The following MICU3 variants were observed in gnomAD, a reference collection of about 807,000 sequenced individuals.
MICU3 encodes calcium uptake protein 3, mitochondrial.
Under a neutral mutation model 66.5 loss-of-function variants are expected in MICU3, and 62 were observed. That is an observed-to-expected ratio of 0.93 (90% CI 0.76 to 1.15). MICU3 has a LOEUF of 1.15. Among genes scored for constraint, MICU3 ranks in the 50% most tolerant of loss-of-function variants. The pLI, the probability that MICU3 is intolerant of heterozygous loss-of-function variation, is 0.00. For missense variants in MICU3, 779 were observed against 664.4 expected (o/e 1.17, Z -1.90); for synonymous variants, 308 against 240.7 (o/e 1.28, Z -2.59).
intron 2 of MICU3, 79 bp downstream of exon 2, chr8:17,064,316 G>A: frequency 2.7e-6 from 3 of 1,130,464 alleles, no homozygotes; most frequent in South Asian, 1.7e-5. Context: ...AGCAGTATAA[G>A]TTTTTTAGAA....
intron 1 of MICU3, among the ~76,000 whole-genome samples, chr8:17,027,943 A>G (rs1338084406): frequency 6.6e-6 from 1 of 152,172 alleles, no homozygotes; most frequent in Non-Finnish European, 1.5e-5. Flanking sequence ...CTTACAAAAA[A>G]AGATTCAGAA....
In MICU3 at chr8:17,081,693, G is replaced by A. The variant is rs953602800; in HGVS notation, c.647G>A (p.Gly216Asp). 4 of 862,150 alleles carry A rather than the reference G, an allele frequency of 4.6e-6. No homozygotes were observed. The Admixed American group carries it at 1.2e-4, about 27-fold the overall frequency. 53.4% of individuals were successfully genotyped at this position (862,150 alleles called of 1,614,324 possible). ...ATAACTGATACTATTTTTCTTGTAG[G>A]TGTGATTTCTTACACAGAATATCTT... ...SKLFRNLKEK[G>D]VISYTEYLFL... The change falls in exon 5 of 15, where the codon GGT (glycine) becomes GAT (aspartate). Residue 216 changes from glycine to aspartate, a missense_variant and splice_region_variant. Physicochemically the swap from Gly to Asp is moderately conservative, Grantham distance 94. Coordinates refer to ENST00000318063, the MANE Select transcript of MICU3 (RefSeq NM_181723.3).
At position 17,105,051 on chromosome 8, in the gene MICU3, C is replaced by T. The variant is rs184032272; in HGVS notation, c.1086-362C>T. ...TCCAGATATCTGGATTGATTGTTAT[C>T]TCTTGTATATTCAGAAGAAAGTATG... On this transcript the variant is annotated intron_variant, in intron 10 of 14. Coordinates refer to ENST00000318063, the MANE Select transcript of MICU3 (RefSeq NM_181723.3). Among the ~76,000 whole-genome samples, 8 of 148,060 alleles carry T rather than the reference C, an allele frequency of 5.4e-5. No individual in the cohort carries two copies. In the East Asian group the frequency reaches 1.7e-3, roughly 32 times the overall value.
At chr8:17,069,235 C>T (rs923462926) in intron 2 of MICU3, among the ~76,000 whole-genome samples, 2 of 152,008 alleles carry the variant, frequency 1.3e-5, no homozygotes, top group East Asian at 1.9e-4. Context: ...CCTAGAGAGA[C>T]CTGACCTGTG....
chr8:17,116,835 G>C (rs969165151), intron 13 of MICU3, among the ~76,000 whole-genome samples: 3 of 151,388 alleles, frequency 2.0e-5, no homozygotes, highest in Non-Finnish European at 2.9e-5. Context: ...TATTTTCATA[G>C]TCAGTCTAAT....
intron 2 of MICU3, among the ~76,000 whole-genome samples, chr8:17,064,736 A>G (rs1473906558): frequency 6.6e-6 from 1 of 152,226 alleles, no homozygotes; most frequent in Non-Finnish European, 1.5e-5. Flanking sequence ...AACAGAAGAC[A>G]GCTGTATTCT....
chr8:17,070,682 T>G (rs1829089030), intron 3 of MICU3, among the ~76,000 whole-genome samples: 1 of 151,908 alleles, frequency 6.6e-6, no homozygotes, highest in Non-Finnish European at 1.5e-5. Flanking sequence ...CTAGGGAACG[T>G]CCTTAACTAG....
At position 17,087,000 on chromosome 8, in the gene MICU3, G is replaced by A; in HGVS notation, c.814G>A (p.Glu272Lys). 6.2e-7 allele frequency: 1 copy of A among 1,607,514 alleles called. No individual in the cohort carries two copies. Among genetic ancestry groups the A allele is most frequent in the Non-Finnish European group, 8.5e-7 (1 of 1,175,160 alleles). ...EIFRKKNEKREIKGDEEKRAM... is the reference protein window; with the variant it reads ...EIFRKKNEKRKIKGDEEKRAM... Reference sequence around the variant, plus strand: ...ATTCAGGAAAAAAAATGAAAAGAGAGAAATTAAAGGAGATGAAGAAAAGCG... The same window carrying A: ...ATTCAGGAAAAAAAATGAAAAGAGAAAAATTAAAGGAGATGAAGAAAAGCG... Residue 272 changes from glutamate to lysine, a missense_variant, in exon 7 of 15, where the codon GAA becomes AAA. Glu to Lys is a moderately conservative substitution (Grantham distance 56). Transcript: ENST00000318063.
intron 7 of MICU3, among the ~76,000 whole-genome samples, chr8:17,089,654 T>C (rs1250283157): frequency 6.6e-6 from 1 of 152,076 alleles, no homozygotes; most frequent in African/African-American, 2.4e-5. Context: ...ACTCATTACC[T>C]GGATGACCTT....
chr8:17,036,067 C>T (rs1437513434), intron 1 of MICU3, among the ~76,000 whole-genome samples: 1 of 152,168 alleles, frequency 6.6e-6, no homozygotes, highest in African/African-American at 2.4e-5. Flanking sequence ...GTGAGTGTTA[C>T]AGCTCTTAAG....
intron 1 of MICU3, among the ~76,000 whole-genome samples, chr8:17,044,152 T>G (rs1359274137): frequency 6.6e-6 from 1 of 152,204 alleles, no homozygotes; most frequent in African/African-American, 2.4e-5. Flanking sequence ...GGAACATGGT[T>G]AAAGCCGTAG....
chr8:17,097,485 T>C (rs1800835943), intron 8 of MICU3, among the ~76,000 whole-genome samples: 1 of 151,814 alleles, frequency 6.6e-6, no homozygotes, highest in Non-Finnish European at 1.5e-5. Flanking sequence ...GGGCAGTGTT[T>C]CTAGTTAGTA....
chr8:17,030,488 G>A (rs1379884128), intron 1 of MICU3, among the ~76,000 whole-genome samples: 3 of 151,986 alleles, frequency 2.0e-5, no homozygotes, highest in East Asian at 3.9e-4. Flanking sequence ...CTGGCAGCAG[G>A]CACATGTGCA....
chr8:17,054,242 T>C (rs1816549329), intron 1 of MICU3, among the ~76,000 whole-genome samples: 1 of 152,214 alleles, frequency 6.6e-6, no homozygotes, highest in Non-Finnish European at 1.5e-5. Flanking sequence ...TGTAATATTA[T>C]TACATTTACT....
At chr8:17,080,939 A>G (rs560566801) in intron 4 of MICU3, among the ~76,000 whole-genome samples, 15 of 152,296 alleles carry the variant, frequency 9.8e-5, no homozygotes, top group African/African-American at 2.4e-4. Context: ...ACTGATGTCA[A>G]TCTTCTCAGT....
At chr8:17,135,667 A>G in the MICU3 span, among the ~76,000 whole-genome samples, 1 of 152,108 alleles carries the variant, frequency 6.6e-6, no homozygotes, top group East Asian at 1.9e-4. Context: ...GTAAAATACT[A>G]ATAGAGGCAG....
At chr8:17,037,442 G>T (rs1194739296) in intron 1 of MICU3, among the ~76,000 whole-genome samples, 1 of 152,182 alleles carries the variant, frequency 6.6e-6, no homozygotes, top group East Asian at 1.9e-4. Context: ...GGCCAAAATG[G>T]GCCAATGTAG....
the MICU3 span, among the ~76,000 whole-genome samples, chr8:17,135,735 C>T: frequency 6.6e-6 from 1 of 152,040 alleles, no homozygotes; most frequent in Non-Finnish European, 1.5e-5. Flanking sequence ...TTCAAATTAA[C>T]ATTTTGCTGT....
intron 1 of MICU3, among the ~76,000 whole-genome samples, chr8:17,048,260 A>C (rs376808200): frequency 6.6e-6 from 1 of 152,252 alleles, no homozygotes; most frequent in Non-Finnish European, 1.5e-5. Flanking sequence ...TTTATAGTAC[A>C]TAGCCCTCAC....
Sources: gnomAD v4.1 joint callset for allele counts (sites outside exome capture counted in the v4.1 genomes callset) on GRCh38, gnomAD v4.1.1 for gene constraint, MANE v1.5 for transcripts, NCBI Gene and HGNC (gene_info 2026-07-23, HGNC 2026-07-21) for gene names.